The following TNNC1 variants were observed in gnomAD, a reference collection of about 807,000 sequenced individuals.
TNNC1 encodes troponin C1, slow skeletal and cardiac type.
A neutral mutation model predicts 19.6 loss-of-function variants in TNNC1; 10 were observed. The ratio of observed to expected loss-of-function variants is 0.51; its 90% confidence interval spans 0.31 to 0.87. The LOEUF is 0.87. Among genes scored for constraint, TNNC1 ranks in the 40% least tolerant of loss-of-function variants. The pLI, the probability that TNNC1 is intolerant of heterozygous loss-of-function variation, is 0.04. For missense variants in TNNC1, 115 were observed against 219.8 expected (o/e 0.52, Z 3.02); for synonymous variants, 85 against 80.1 (o/e 1.06, Z -0.33).
At position 52,451,943 on chromosome 3, in the gene TNNC1, G is replaced by A. The variant is rs750694109; in HGVS notation, c.203-85C>T. On this transcript the variant is annotated intron_variant, in intron 3 of 5. Coordinates refer to ENST00000232975, the MANE Select transcript of TNNC1 (RefSeq NM_003280.3). This position sits in a 1 kb window ranked among gnomAD's most constrained non-coding sequence, Gnocchi z 4.8. ...CGACACGAACCCCCATGTTCTCACC[G>A]CATCCTCACACCAAACGCCAGGCTT... 3.9e-5 allele frequency: 59 copies of A among 1,526,142 alleles called. No individual in the cohort carries two copies. The Middle Eastern group carries it at 5.1e-4, about 13-fold the overall frequency. 94.5% of individuals were successfully genotyped at this position (1,526,142 alleles called of 1,614,324 possible). A position where few individuals can be genotyped will look rare whatever the true frequency, so the allele number is the denominator to read the frequency against.
intron 1 of TNNC1, among the ~76,000 whole-genome samples, chr3:52,453,749 CA>C (rs1487013113): frequency 6.6e-6 from 1 of 152,202 alleles, no homozygotes; most frequent in African/African-American, 2.4e-5. Context: ...CACTTGGAAA[CA>C]GAGAGTGAGA....
At chr3:52,453,932 C>A in intron 1 of TNNC1, 60 bp downstream of exon 1, 1 of 1,556,112 alleles carries the variant, frequency 6.4e-7, no homozygotes, top group Non-Finnish European at 8.7e-7. Flanking sequence ...CCCGCACTCT[C>A]AGCTGAGTGA....
rs750978833 is a variant in TNNC1 at position 52,451,414 on chromosome 3, T to C, written c.431A>G (p.Asn144Ser). 3.7e-6 allele frequency: 6 copies of C among 1,613,960 alleles called. No individual in the cohort carries two copies. In the East Asian group the frequency reaches 8.9e-5, roughly 24 times the overall value. Reference protein sequence around the residue: ...EELMKDGDKNNDGRIDYDEFL... With the variant: ...EELMKDGDKNSDGRIDYDEFL... The stretch of plus-strand genomic sequence containing the variant: ...ACCATCATAGTCGATGCGGCCGTCG[T>C]TGTTCTTGTCTCCGTCCTTCATGAG... The change falls in exon 5 of 6, where the codon AAC (asparagine) becomes AGC (serine). Residue 144 changes from asparagine (N) to serine (S), a missense_variant. By Grantham distance (46) the Asn-to-Ser change is conservative. This residue lies in a region of TNNC1 where 96 missense variants were observed against 114.2 expected (regional missense o/e 0.84). Transcript: ENST00000232975. This position sits in a 1 kb window ranked among gnomAD's most constrained non-coding sequence, Gnocchi z 4.8.
Position 52,452,393 on chromosome 3 carries a change from T to C in TNNC1, c.55+90A>G. 6.3e-7 allele frequency: 1 copy of C among 1,587,374 alleles called. No homozygotes were observed. Among genetic ancestry groups the C allele is most frequent in the East Asian group, 2.3e-5 (1 of 44,326 alleles). On this transcript the variant is annotated intron_variant, in intron 2 of 5. Transcript: ENST00000232975. This position sits in a 1 kb window ranked among gnomAD's most constrained non-coding sequence, Gnocchi z 5.2. ...GGCAGAGCAAGAGGGACCAAGCCTC[T>C]GGTCTCTGGCCTGGGGTCCTCTTCT...
rs1301291422 is a variant in TNNC1, at chr3:52,451,991, A to C, written c.202+115T>G. 1.1e-5 allele frequency: 17 copies of C among 1,574,818 alleles called. No homozygotes were observed. Among genetic ancestry groups the C allele is most frequent in the Non-Finnish European group, 1.5e-5 (17 of 1,147,562 alleles). On this transcript the variant is annotated intron_variant, in intron 3 of 5. Transcript: ENST00000232975. This position sits in a 1 kb window ranked among gnomAD's most constrained non-coding sequence, Gnocchi z 4.8. ...CTTGTGTAGCCCTTATGCCCATTTT[A>C]TAGATGAGGCAACCAAGGCTCGGAT...
In TNNC1 at chr3:52,452,137, C is replaced by T. The variant is rs1706338928; in HGVS notation, c.171G>A (p.Leu57=). The part of the protein sequence containing the change: ...MLGQNPTPEE[L]QEMIDEVDED... ...CGTCCACCTCATCGATCATCTCCTG[C>T]AGCTCCTCAGGGGTGGGGTTCTGGC... Residue 57 remains leucine (L), a synonymous_variant, in exon 3 of 6, where the codon CTG becomes CTA. Coordinates refer to ENST00000232975, the MANE Select transcript of TNNC1 (RefSeq NM_003280.3). This position sits in a 1 kb window ranked among gnomAD's most constrained non-coding sequence, Gnocchi z 5.2. The T allele has an allele frequency of 1.2e-6, 2 of 1,614,024 alleles. No individual in the cohort carries two copies. Among genetic ancestry groups the T allele is most frequent in the African/African-American group, 1.3e-5 (1 of 75,056 alleles).
rs140287760 is a variant in TNNC1 at position 52,451,848 on chromosome 3, C to T, written c.213G>A (p.Thr71=). ...IDEVDEDGSG[T]VDFDEFLVMM... ...TGACCAGGAACTCATCAAAGTCCAC[C>T]GTGCCGCTGCCTGGGGGTGGGCAGC... Residue 71 remains threonine (T), a synonymous_variant, in exon 4 of 6, where the codon ACG becomes ACA. Coordinates refer to ENST00000232975, the MANE Select transcript of TNNC1 (RefSeq NM_003280.3). The surrounding 1 kb of genome is among the most constrained non-coding windows in gnomAD (Gnocchi z 4.8). 39 of 1,613,924 alleles carry T rather than the reference C, an allele frequency of 2.4e-5. No homozygotes were observed. In the Admixed American group the frequency reaches 2.8e-4, roughly 12 times the overall value.
chr3:52,451,710 G>T lies in TNNC1; in HGVS notation c.317+34C>A. The T allele has an allele frequency of 6.2e-7, 1 of 1,603,448 alleles. No individual in the cohort carries two copies. Among genetic ancestry groups the T allele is most frequent in the Non-Finnish European group, 8.5e-7 (1 of 1,170,350 alleles). Reference sequence around the variant, plus strand: ...TCCTGTACAGCTCGGCTTGAGTGTGGGTCAGGGTCAGAGGTCAAGGGTCAC... The same window carrying T: ...TCCTGTACAGCTCGGCTTGAGTGTGTGTCAGGGTCAGAGGTCAAGGGTCAC... On this transcript the variant is annotated intron_variant, in intron 4 of 5. Coordinates refer to ENST00000232975, the MANE Select transcript of TNNC1 (RefSeq NM_003280.3). This position sits in a 1 kb window ranked among gnomAD's most constrained non-coding sequence, Gnocchi z 4.8.
chr3:52,452,421 T>C lies in TNNC1; in HGVS notation c.55+62A>G. ...TCTCTGGCCTGGGGTCCTCTTCTGA[T>C]AAGGGGTCCCCATGCCAGCCTGGAC... On this transcript the variant is annotated intron_variant, in intron 2 of 5. Transcript: ENST00000232975. This position sits in a 1 kb window ranked among gnomAD's most constrained non-coding sequence, Gnocchi z 5.2. 8.1e-6 allele frequency: 13 copies of C among 1,598,060 alleles called. No homozygotes were observed. The highest frequency in any genetic ancestry group is 1.1e-5 in the Non-Finnish European group (13 of 1,169,686).
chr3:52,451,325 G>T lies in TNNC1; in HGVS notation c.455-19C>A, dbSNP rs764547083. Reference sequence around the variant, plus strand: ...AGGAACTCTGTGGAAAGAGGGGCAGGTGTGGGTTGAGGGTAGGGGCTGGGC... The same window carrying T: ...AGGAACTCTGTGGAAAGAGGGGCAGTTGTGGGTTGAGGGTAGGGGCTGGGC... On this transcript the variant is annotated intron_variant, in intron 5 of 5. Coordinates refer to ENST00000232975, the MANE Select transcript of TNNC1 (RefSeq NM_003280.3). This position sits in a 1 kb window ranked among gnomAD's most constrained non-coding sequence, Gnocchi z 4.8. The T allele has an allele frequency of 5.0e-6, 8 of 1,614,128 alleles. No homozygotes were observed. In the South Asian group the frequency reaches 8.8e-5, roughly 18 times the overall value.
rs1706340674 is a variant in TNNC1 at position 52,452,257 on chromosome 3, G to A, written c.56-5C>T. ...TGTCGAAGGCTGCCTTGAACTCTGT[G>A]TTCAGGGGTTGGGGGGCACAGTAGT... On this transcript the variant is annotated splice_polypyrimidine_tract_variant and splice_region_variant and intron_variant, in intron 2 of 5. Coordinates refer to ENST00000232975, the MANE Select transcript of TNNC1 (RefSeq NM_003280.3). This position sits in a 1 kb window ranked among gnomAD's most constrained non-coding sequence, Gnocchi z 5.2. 6.2e-7 allele frequency: 1 copy of A among 1,609,550 alleles called. No homozygotes were observed. The highest frequency in any genetic ancestry group is 8.5e-7 in the Non-Finnish European group (1 of 1,180,006).
chr3:52,452,524 A>T lies in TNNC1; in HGVS notation c.25-11T>A. Reference sequence around the variant, plus strand: ...TGTCAGCTGCTCTACCTAGAAAGGAAAGGGAATCTCAAGGCTCAGACTCAG... The same window carrying T: ...TGTCAGCTGCTCTACCTAGAAAGGATAGGGAATCTCAAGGCTCAGACTCAG... On this transcript the variant is annotated splice_polypyrimidine_tract_variant and intron_variant, in intron 1 of 5. Transcript: ENST00000232975. The surrounding 1 kb of genome is among the most constrained non-coding windows in gnomAD (Gnocchi z 5.2). 6.2e-7 allele frequency: 1 copy of T among 1,613,078 alleles called. No homozygotes were observed.
chr3:52,452,731 C>A lies in TNNC1; in HGVS notation c.25-218G>T, dbSNP rs896384587. 4.8e-6 allele frequency: 3 copies of A among 626,652 alleles called. No individual in the cohort carries two copies. Among genetic ancestry groups the A allele is most frequent in the Admixed American group, 2.4e-5 (1 of 40,830 alleles). The allele number at this position is 626,652 out of a possible 1,614,324, so 38.8% of individuals were successfully genotyped here. ...TCAGGGCCAGGGTGACAGGTGGGCA[C>A]CCCCTTCAGGACCAAGGTGACCCTC... On this transcript the variant is annotated intron_variant, in intron 1 of 5. Transcript: ENST00000232975. The surrounding 1 kb of genome is among the most constrained non-coding windows in gnomAD (Gnocchi z 5.2).
rs545578624 is a variant in TNNC1 at position 52,451,152 on chromosome 3, C to T, written c.*123G>A. ...CCCAGGACAGATCTGGGGAGGGAGT[C>T]GGGGGATTTGGGGTTGAGGACATGG... is the stretch of plus-strand genomic sequence containing the variant. On this transcript the variant is annotated 3_prime_UTR_variant, in exon 6 of 6. Coordinates refer to ENST00000232975, the MANE Select transcript of TNNC1 (RefSeq NM_003280.3). This position sits in a 1 kb window ranked among gnomAD's most constrained non-coding sequence, Gnocchi z 4.8. 5.1e-5 allele frequency: 57 copies of T among 1,121,390 alleles called. No homozygotes were observed. Among genetic ancestry groups the T allele is most frequent in the African/African-American group, 2.5e-4 (16 of 64,830 alleles). 69.5% of individuals were successfully genotyped at this position (1,121,390 alleles called of 1,614,324 possible).
rs1456915136 is a variant in TNNC1, at chr3:52,451,494, C to T, written c.351G>A (p.Leu117=). The T allele has an allele frequency of 1.5e-5, 25 of 1,614,170 alleles. No homozygotes were observed. The highest frequency in any genetic ancestry group is 2.1e-5 in the Non-Finnish European group (25 of 1,180,016). ...CGCCTGTAGCCTGCAGCATTATCTT[C>T]AGCTCATCCAGGTCGATGTAGCCAT... The part of the protein sequence containing the change: ...NADGYIDLDE[L]KIMLQATGET... The change falls in exon 5 of 6, where the codon CTG becomes CTA. Residue 117 remains leucine (L), a synonymous_variant. Coordinates refer to ENST00000232975, the MANE Select transcript of TNNC1 (RefSeq NM_003280.3). This position sits in a 1 kb window ranked among gnomAD's most constrained non-coding sequence, Gnocchi z 4.8.
rs528104305 is a variant in TNNC1 at position 52,451,945 on chromosome 3, A to C, written c.203-87T>G. On this transcript the variant is annotated intron_variant, in intron 3 of 5. Coordinates refer to ENST00000232975, the MANE Select transcript of TNNC1 (RefSeq NM_003280.3). The surrounding 1 kb of genome is among the most constrained non-coding windows in gnomAD (Gnocchi z 4.8). ...ACACGAACCCCCATGTTCTCACCGC[A>C]TCCTCACACCAAACGCCAGGCTTGT... 38 of 1,533,926 alleles carry C rather than the reference A, an allele frequency of 2.5e-5. No homozygotes were observed. Among genetic ancestry groups the C allele is most frequent in the Admixed American group, 1.3e-4 (8 of 59,830 alleles).
In TNNC1 at chr3:52,452,424, G is replaced by A; in HGVS notation, c.55+59C>T. On this transcript the variant is annotated intron_variant, in intron 2 of 5. Coordinates refer to ENST00000232975, the MANE Select transcript of TNNC1 (RefSeq NM_003280.3). This position sits in a 1 kb window ranked among gnomAD's most constrained non-coding sequence, Gnocchi z 5.2. ...CTGGCCTGGGGTCCTCTTCTGATAA[G>A]GGGTCCCCATGCCAGCCTGGACCCG... 6.2e-7 allele frequency: 1 copy of A among 1,602,984 alleles called. No homozygotes were observed. Among genetic ancestry groups the A allele is most frequent in the African/African-American group, 1.3e-5 (1 of 74,896 alleles).
At position 52,451,735 on chromosome 3, in the gene TNNC1, C is replaced by A. The variant is rs761287435; in HGVS notation, c.317+9G>T. Reference sequence around the variant, plus strand: ...GGTCAGGGTCAGAGGTCAAGGGTCACGTGCTCACTTGTCAAACATGCGGAA... The same window carrying A: ...GGTCAGGGTCAGAGGTCAAGGGTCAAGTGCTCACTTGTCAAACATGCGGAA... On this transcript the variant is annotated intron_variant, in intron 4 of 5. Coordinates refer to ENST00000232975, the MANE Select transcript of TNNC1 (RefSeq NM_003280.3). This position sits in a 1 kb window ranked among gnomAD's most constrained non-coding sequence, Gnocchi z 4.8. 3.7e-6 allele frequency: 6 copies of A among 1,612,864 alleles called. No homozygotes were observed. In the Admixed American group the frequency reaches 6.7e-5, roughly 18 times the overall value.
chr3:52,453,873 G>A (rs1706366497), intron 1 of TNNC1, 119 bp downstream of exon 1: 2 of 1,226,038 alleles, frequency 1.6e-6, no homozygotes, highest in Non-Finnish European at 1.2e-6. Context: ...TGGGTTGAAG[G>A]CACGTAGGCC....
Sources: allele counts gnomAD v4.1 joint callset (sites outside exome capture counted in the v4.1 genomes callset), GRCh38; gene constraint gnomAD v4.1.1; regional missense constraint gnomAD v4.1.1; non-coding constraint Gnocchi (gnomAD v3.1); transcripts MANE v1.5; gene names NCBI Gene and HGNC (gene_info 2026-07-23, HGNC 2026-07-21).